The following NCALD variants were observed in gnomAD, a reference collection of about 807,000 sequenced individuals.
The protein encoded by NCALD is neurocalcin delta.
A neutral mutation model predicts 18.6 loss-of-function variants in NCALD; 10 were observed. That is an observed-to-expected ratio of 0.54 (90% CI 0.33 to 0.91). The LOEUF is 0.91. Among genes scored for constraint, NCALD ranks in the 40% least tolerant of loss-of-function variants. The pLI, the probability that NCALD is intolerant of heterozygous loss-of-function variation, is 0.03. For synonymous variants in NCALD, 88 were observed against 87.4 expected (o/e 1.01, Z -0.04); for missense variants, 184 against 247.6 (o/e 0.74, Z 1.72).
chr8:101,718,881 C>G (rs981694960), intron 2 of NCALD, among the ~76,000 whole-genome samples: 4 of 152,342 alleles, frequency 2.6e-5, no homozygotes, highest in African/African-American at 9.6e-5. Context: ...TTCTCTGAAG[C>G]CTGCTACTTA....
chr8:102,119,803 CAG>C (rs1273185283), intron 1 of NCALD, among the ~76,000 whole-genome samples: 3 of 152,192 alleles, frequency 2.0e-5, no homozygotes, highest in Admixed American at 6.5e-5. Flanking sequence ...TTCCTAAAGA[CAG>C]GGGACTAGAT....
chr8:102,023,505 G>A (rs1822350142), intron 1 of NCALD, among the ~76,000 whole-genome samples: 1 of 152,246 alleles, frequency 6.6e-6, no homozygotes, highest in African/African-American at 2.4e-5. Flanking sequence ...AAAAGGAGGA[G>A]AGAGGCTGCC....
chr8:101,928,172 T>C (rs533568914), intron 2 of NCALD, among the ~76,000 whole-genome samples: 2 of 152,278 alleles, frequency 1.3e-5, no homozygotes, highest in South Asian at 2.1e-4. Context: ...AATCTCTCAA[T>C]GATCGCGCGA....
At chr8:102,088,336 C>G (rs1824808593) in intron 1 of NCALD, among the ~76,000 whole-genome samples, 1 of 152,172 alleles carries the variant, frequency 6.6e-6, no homozygotes, top group South Asian at 2.1e-4. Flanking sequence ...CTTGAATTTC[C>G]TTTCTTAGAG....
At chr8:101,914,405 T>C (rs775773101) in intron 3 of NCALD, among the ~76,000 whole-genome samples, 2 of 152,202 alleles carry the variant, frequency 1.3e-5, no homozygotes, top group African/African-American at 2.4e-5. Context: ...TTAACCTTAA[T>C]CACCTGGCTT....
rs1816047680 is a variant in NCALD, at chr8:101,872,176, G to T, written c.-20+14965C>A. 1.9e-6 allele frequency: 3 copies of T among 1,603,596 alleles called. No individual in the cohort carries two copies. The South Asian group carries it at 3.3e-5, about 18-fold the overall frequency. On this transcript the variant is annotated intron_variant, in intron 4 of 6. Transcript: ENST00000311028. ...GTGCTGATTTATCAGGGCACAGAGG[G>T]GAATTCCTCGTTTGCAAAGGTGCAA... is the stretch of plus-strand genomic sequence containing the variant.
chr8:101,730,929 A>G (rs191875213), intron 1 of NCALD, among the ~76,000 whole-genome samples: 1 of 152,346 alleles, frequency 6.6e-6, no homozygotes, highest in Admixed American at 6.5e-5. Context: ...AAAATAAATA[A>G]TTGAAATGGT....
At chr8:101,830,921 G>A (rs1015636282) in intron 4 of NCALD, among the ~76,000 whole-genome samples, 12 of 151,832 alleles carry the variant, frequency 7.9e-5, no homozygotes, top group African/African-American at 2.9e-4. Context: ...ATAAATTCAT[G>A]TCACATGCTG....
chr8:102,039,847 G>T (rs1822988294), intron 1 of NCALD, among the ~76,000 whole-genome samples: 1 of 152,032 alleles, frequency 6.6e-6, no homozygotes, highest in African/African-American at 2.4e-5. Context: ...CACGTGACCT[G>T]GCACACTACC....
At chr8:101,703,707 C>T (rs549793631) in intron 2 of NCALD, among the ~76,000 whole-genome samples, 1 of 152,292 alleles carries the variant, frequency 6.6e-6, no homozygotes, top group East Asian at 1.9e-4. Flanking sequence ...CTGGTGGACT[C>T]ACTGATGGGC....
intron 2 of NCALD, among the ~76,000 whole-genome samples, chr8:102,008,469 G>A (rs1821784736): frequency 7.9e-6 from 1 of 127,224 alleles, no homozygotes. Context: ...TGAATTAAAG[G>A]CAGTTAAAAA....
intron 4 of NCALD, among the ~76,000 whole-genome samples, chr8:101,842,654 C>T (rs1227282004): frequency 6.6e-6 from 1 of 152,226 alleles, no homozygotes; most frequent in African/African-American, 2.4e-5. Flanking sequence ...TTCCTCTTAC[C>T]TCTGTCCTCT....
intron 1 of NCALD, among the ~76,000 whole-genome samples, chr8:101,723,361 T>C (rs1816445646): frequency 1.3e-5 from 2 of 152,174 alleles, no homozygotes; most frequent in African/African-American, 4.8e-5. Flanking sequence ...TTACCTAAAT[T>C]ATGAACACAT....
At chr8:101,971,706 G>A (rs1427787533) in intron 2 of NCALD, among the ~76,000 whole-genome samples, 1 of 152,118 alleles carries the variant, frequency 6.6e-6, no homozygotes, top group Non-Finnish European at 1.5e-5. Context: ...ATGGTCCAAA[G>A]TGGTACCAAC....
chr8:101,865,058 CAAG>C (rs1373200307), intron 4 of NCALD, among the ~76,000 whole-genome samples: 1 of 152,178 alleles, frequency 6.6e-6, no homozygotes, highest in South Asian at 2.1e-4. Flanking sequence ...AAGGACTCAA[CAAG>C]AAGTAAGGGG....
chr8:101,692,420 C>G (rs1213445644), intron 3 of NCALD: 4 of 985,242 alleles, frequency 4.1e-6, no homozygotes, highest in Middle Eastern at 1.0e-3. Context: ...AATAACAACC[C>G]TCTCCCCATT....
intron 4 of NCALD, among the ~76,000 whole-genome samples, chr8:101,858,478 C>T (rs146781885): frequency 2.4e-4 from 37 of 152,262 alleles, no homozygotes; most frequent in Non-Finnish European, 4.7e-4. Context: ...GCAACTTCCT[C>T]CCCTATCCCA....
intron 3 of NCALD, chr8:101,691,799 A>G: frequency 1.0e-6 from 1 of 985,372 alleles, no homozygotes; most frequent in Non-Finnish European, 1.2e-6. Flanking sequence ...CTGTACTGCG[A>G]AGCCGCCTTC....
In NCALD at chr8:101,971,276, C is replaced by T. The variant is rs190454856; in HGVS notation, c.-157+48961G>A. ...TCTTCAGCTTGACTCCTCCTGTCTG[C>T]AGCATCATTCCTTCTCTCAGACAGT... is the stretch of plus-strand genomic sequence containing the variant. On this transcript the variant is annotated intron_variant, in intron 2 of 6. Transcript: ENST00000311028. Among the ~76,000 whole-genome samples the T allele has an allele frequency of 2.0e-4, 30 of 152,178 alleles. No homozygotes were observed. The Middle Eastern group carries it at 0.014, about 69-fold the overall frequency.
Sources: gnomAD v4.1 joint callset for allele counts (sites outside exome capture counted in the v4.1 genomes callset) on GRCh38, gnomAD v4.1.1 for gene constraint, MANE v1.5 for transcripts, NCBI Gene and HGNC (gene_info 2026-07-23, HGNC 2026-07-21) for gene names.